GRAMD1B: variants seen among roughly 807,000 people sequenced by gnomAD.
The protein encoded by GRAMD1B is GRAM domain containing 1B, also known as protein Aster-B.
In GRAMD1B, 37 loss-of-function variants were observed where a neutral mutation model predicts 99.7. That is an observed-to-expected ratio of 0.37 (90% CI 0.29 to 0.49). The LOEUF is 0.49. Among genes scored for constraint, GRAMD1B ranks in the 20% least tolerant of loss-of-function variants. GRAMD1B has a pLI of 0.98. For synonymous variants in GRAMD1B, 427 were observed against 387.6 expected (o/e 1.10, Z -1.19); for missense variants, 888 against 1,009.2 (o/e 0.88, Z 1.63).
At chr11:123,365,476 T>A (rs934690079) in intron 1 of GRAMD1B, among the ~76,000 whole-genome samples, 1 of 152,218 alleles carries the variant, frequency 6.6e-6, no homozygotes, top group Non-Finnish European at 1.5e-5. Context: ...GGTCTCGAAC[T>A]CCTGACCTCA....
chr11:123,613,396 A>C (rs1194141611), intron 15 of GRAMD1B, 59 bp from the exon 16 acceptor site: 4 of 1,222,828 alleles, frequency 3.3e-6, no homozygotes, highest in African/African-American at 1.5e-5. Context: ...ATGGTTCTGC[A>C]GAGAGTTGCA....
chr11:123,622,323 T>C (rs1480030838), intron 19 of GRAMD1B, among the ~76,000 whole-genome samples, 183 bp from the exon 20 acceptor site: 1 of 152,180 alleles, frequency 6.6e-6, no homozygotes, highest in Non-Finnish European at 1.5e-5. Context: ...GCACCCAGCC[T>C]GACTGTCCCC....
intron 7 of GRAMD1B, chr11:123,599,172 A>G (rs1426387288): frequency 1.8e-5 from 14 of 779,004 alleles, no homozygotes; most frequent in Non-Finnish European, 3.3e-5. Context: ...CTTCCGGTGG[A>G]ATTCCTTTAT....
intron 2 of GRAMD1B, chr11:123,560,235 T>A (rs11604066): frequency 2.8e-6 from 3 of 1,069,276 alleles, no homozygotes; most frequent in Non-Finnish European, 3.4e-6. Context: ...TCTGAGTGTG[T>A]CTGTGCGCCT....
intron 1 of GRAMD1B, among the ~76,000 whole-genome samples, chr11:123,451,782 T>G (rs1949897509): frequency 6.6e-6 from 1 of 152,146 alleles, no homozygotes. Context: ...TGGCTTCTTC[T>G]CTTGAAAGAT....
rs1219564145 is a variant in GRAMD1B, at chr11:123,622,128, C to G, written c.2545-378C>G. Among the ~76,000 whole-genome samples, 3 of 152,168 alleles carry G rather than the reference C, an allele frequency of 2.0e-5. No homozygotes were observed. In the East Asian group the frequency reaches 5.8e-4, roughly 29 times the overall value. The stretch of plus-strand genomic sequence containing the variant: ...TGCAAACTCCCGGGTTCAAGCCATC[C>G]TCCCACCCCAGCCTCCTGAGTAGTT... On this transcript the variant is annotated intron_variant, in intron 19 of 19. Transcript: ENST00000635736.
intron 1 of GRAMD1B, among the ~76,000 whole-genome samples, chr11:123,362,033 A>G (rs954383424): frequency 7.2e-5 from 11 of 152,222 alleles, no homozygotes; most frequent in African/African-American, 2.7e-4. Context: ...AGATATTTAA[A>G]TACTTTTCTG....
At position 123,608,168 on chromosome 11, in the gene GRAMD1B, G is replaced by GCC. The variant is rs1953003103; in HGVS notation, c.1514-488_1514-487dup. ...TTAGGGATCACAGCCTATTGGACCA[G>GCC]CCCCAGCCTTAGCAGCAGTTCTGTA... On this transcript the variant is annotated intron_variant, in intron 11 of 19. Coordinates refer to ENST00000635736, the MANE Select transcript of GRAMD1B (RefSeq NM_001387025.1). The GCC allele has an allele frequency of 3.5e-5, 10 of 283,820 alleles. No homozygotes were observed. The East Asian group carries it at 7.5e-4, about 21-fold the overall frequency. The allele number at this position is 283,820 out of a possible 1,614,324, so 17.6% of individuals were successfully genotyped here. A position where few individuals can be genotyped will look rare whatever the true frequency, so the allele number is the denominator to read the frequency against.
At chr11:123,562,750 A>C (rs976203028) in intron 2 of GRAMD1B, among the ~76,000 whole-genome samples, 4 of 152,138 alleles carry the variant, frequency 2.6e-5, no homozygotes, top group Admixed American at 1.3e-4. Flanking sequence ...CGAAACTTGG[A>C]TTTGTCTCAT....
At chr11:123,516,757 G>C (rs1591786376) in intron 2 of GRAMD1B, among the ~76,000 whole-genome samples, 1 of 152,168 alleles carries the variant, frequency 6.6e-6, no homozygotes, top group East Asian at 1.9e-4. Context: ...GTCTCTTAGA[G>C]ACTTGTTGCC....
chr11:123,504,887 G>A (rs1166990624), intron 2 of GRAMD1B, among the ~76,000 whole-genome samples: 1 of 152,014 alleles, frequency 6.6e-6, no homozygotes, highest in Non-Finnish European at 1.5e-5. Context: ...TCACCATGTT[G>A]GCCAGGCTGG....
intron 3 of GRAMD1B, among the ~76,000 whole-genome samples, chr11:123,583,032 A>T (rs117452517): frequency 0.018 from 2,718 of 147,368 alleles, 42 homozygotes; most frequent in Non-Finnish European, 0.025. Flanking sequence ...ATGTGTGTGA[A>T]TGTATGTGTG....
chr11:123,382,155 G>T (rs1171723500), intron 1 of GRAMD1B, among the ~76,000 whole-genome samples: 1 of 152,330 alleles, frequency 6.6e-6, no homozygotes, highest in East Asian at 1.9e-4. Flanking sequence ...GGAAGCAGCA[G>T]TTCTGAGGAT....
intron 3 of GRAMD1B, among the ~76,000 whole-genome samples, chr11:123,582,126 C>G (rs958672599): frequency 6.6e-6 from 1 of 152,242 alleles, no homozygotes; most frequent in Non-Finnish European, 1.5e-5. Context: ...GCTGCTGGGG[C>G]CGGCAGCTCC....
intron 2 of GRAMD1B, among the ~76,000 whole-genome samples, chr11:123,550,503 C>T (rs566981166): frequency 4.6e-5 from 7 of 152,262 alleles, no homozygotes; most frequent in South Asian, 2.1e-4. Flanking sequence ...AGTGTTTTCA[C>T]GCCGTGAGCC....
intron 9 of GRAMD1B, among the ~76,000 whole-genome samples, chr11:123,604,508 G>A (rs1208150204): frequency 6.6e-6 from 1 of 152,220 alleles, no homozygotes; most frequent in Non-Finnish European, 1.5e-5. Context: ...CATGCTTGAG[G>A]GTGGAAGGGT....
At chr11:123,613,163 T>A in intron 15 of GRAMD1B, 1 of 552,882 alleles carries the variant, frequency 1.8e-6, no homozygotes, top group South Asian at 2.5e-5. Context: ...TGACGAGAAG[T>A]ATTTGTAAAA....
Position 123,544,935 on chromosome 11 carries a change from G to A in GRAMD1B, c.453-32432G>A, listed in dbSNP as rs548905149. Reference sequence around the variant, plus strand: ...TTGAAGAGGCCATTGTTCTGGCGATGGGAGATAGGGGCCAGACCGCCTAGT... The same window carrying A: ...TTGAAGAGGCCATTGTTCTGGCGATAGGAGATAGGGGCCAGACCGCCTAGT... On this transcript the variant is annotated intron_variant, in intron 2 of 19. Transcript: ENST00000635736. Among the ~76,000 whole-genome samples the A allele has an allele frequency of 2.2e-3, 338 of 152,344 alleles. 2 individuals are homozygous for A. The highest frequency in any genetic ancestry group is 7.6e-3 in the African/African-American group (315 of 41,582).
chr11:123,395,742 C>T (rs770919841), intron 1 of GRAMD1B, among the ~76,000 whole-genome samples: 2 of 152,174 alleles, frequency 1.3e-5, no homozygotes, highest in Non-Finnish European at 2.9e-5. Flanking sequence ...TTTTTTAAAG[C>T]TCTTCAAGTG....
Sources: gnomAD v4.1 joint callset for allele counts (sites outside exome capture counted in the v4.1 genomes callset) on GRCh38, gnomAD v4.1.1 for gene constraint, MANE v1.5 for transcripts, NCBI Gene and HGNC (gene_info 2026-07-23, HGNC 2026-07-21) for gene names.